IGF1: variants seen among roughly 807,000 people sequenced by gnomAD.
IGF1 encodes insulin-like growth factor 1.
Under a neutral mutation model 13.8 loss-of-function variants are expected in IGF1, and 4 were observed. The ratio of observed to expected loss-of-function variants is 0.29; its 90% CI spans 0.14 to 0.66. The LOEUF (loss-of-function observed/expected upper bound fraction) is 0.66. Among genes scored for constraint, IGF1 ranks in the 30% least tolerant of loss-of-function variants. The pLI, the probability that IGF1 is intolerant of heterozygous loss-of-function variation, is 0.78. For synonymous variants in IGF1, 76 were observed against 72.6 expected, an observed-to-expected ratio of 1.05 and a Z score of -0.23; for missense variants, 124 against 188.5, an observed-to-expected ratio of 0.66 and a Z score of 2.00.
intron 2 of IGF1, chr12:102,423,259 G>GAAAAAAA (rs138450873): frequency 4.6e-5 from 2 of 43,156 alleles, no homozygotes; most frequent in Admixed American, 7.3e-4. Flanking sequence ...TCGATGCTAC[G>GAAAAAAA]AAAAAAAAAA....
At chr12:102,440,539 C>T (rs1420394802) in intron 2 of IGF1, among the ~76,000 whole-genome samples, 3 of 152,156 alleles carry the variant, frequency 2.0e-5, no homozygotes, top group Non-Finnish European at 4.4e-5. Context: ...AAAATCCAGG[C>T]CTCTGGCTCC....
chr12:102,477,017 AG>A (rs2137282771), intron 1 of IGF1, among the ~76,000 whole-genome samples: 1 of 152,262 alleles, frequency 6.6e-6, no homozygotes, highest in East Asian at 1.9e-4. Context: ...GTGTTAGGTG[AG>A]GGGCGCTATT....
intron 2 of IGF1, among the ~76,000 whole-genome samples, chr12:102,443,282 A>G (rs544923556): frequency 6.6e-6 from 1 of 152,264 alleles, no homozygotes; most frequent in African/African-American, 2.4e-5. Flanking sequence ...AAAGTGTCAC[A>G]TGAAAGCTTC....
At chr12:102,414,718 C>T (rs1874938104) in intron 3 of IGF1, among the ~76,000 whole-genome samples, 1 of 152,190 alleles carries the variant, frequency 6.6e-6, no homozygotes, top group African/African-American at 2.4e-5. Context: ...GCCACTGTGC[C>T]CAGCCTTAAG....
intron 2 of IGF1, among the ~76,000 whole-genome samples, chr12:102,423,343 T>C (rs1759652589): frequency 6.6e-6 from 1 of 151,726 alleles, no homozygotes; most frequent in African/African-American, 2.4e-5. Context: ...ACAGTTCTGT[T>C]GTACTGGCAT....
At position 102,402,371 on chromosome 12, in the gene IGF1, C is replaced by T; in HGVS notation, c.*136G>A. 3 of 765,428 alleles carry T rather than the reference C, an allele frequency of 3.9e-6. No individual in the cohort carries two copies. Among genetic ancestry groups the T allele is most frequent in the Non-Finnish European group, 7.3e-6 (3 of 410,504 alleles). The allele number at this position is 765,428 out of a possible 1,614,324, so 47.4% of individuals were successfully genotyped here. On this transcript the variant is annotated 3_prime_UTR_variant, in exon 4 of 4. Transcript: ENST00000337514. ...TGTTGGAATGTTTACTTGTGTATTT[C>T]ATTGGGGGAAACGCCCATCTTTTAA...
At chr12:102,457,429 G>A (rs1471164338) in intron 2 of IGF1, among the ~76,000 whole-genome samples, 1 of 152,104 alleles carries the variant, frequency 6.6e-6, no homozygotes. Context: ...GGAAAGACTG[G>A]CCTGGCAGCT....
Position 102,480,483 on chromosome 12 carries a change from C to T in IGF1, c.-102G>A. 6.3e-7 allele frequency: 1 copy of T among 1,585,654 alleles called. No individual in the cohort carries two copies. Among genetic ancestry groups the T allele is most frequent in the Non-Finnish European group, 8.6e-7 (1 of 1,166,168 alleles). ...AGATGTTGAGAGCAATGTCACATTTCAATTTTGAGGACTTTATTCCATTGC... is the reference window on the plus strand; with the variant it reads ...AGATGTTGAGAGCAATGTCACATTTTAATTTTGAGGACTTTATTCCATTGC... On this transcript the variant is annotated 5_prime_UTR_variant, in exon 1 of 4. Coordinates refer to ENST00000337514, the MANE Select transcript of IGF1 (RefSeq NM_000618.5).
rs1233450358 is a variant in IGF1 at position 102,397,379 on chromosome 12, C to T, written c.*5128G>A. 2.6e-5 allele frequency: 4 copies of T among 152,176 alleles called. No individual in the cohort carries two copies. The East Asian group carries it at 7.7e-4, about 29-fold the overall frequency. The allele number at this position is 152,176 out of a possible 1,614,324, so 9.4% of individuals were successfully genotyped here. Reference sequence around the variant, plus strand: ...AGACAGCTTCAAAAATCCCCTGGGCCTCTGTCTTATCTGTGAGAGGTTTCT... The same window carrying T: ...AGACAGCTTCAAAAATCCCCTGGGCTTCTGTCTTATCTGTGAGAGGTTTCT... On this transcript the variant is annotated 3_prime_UTR_variant, in exon 4 of 4. Coordinates refer to ENST00000337514, the MANE Select transcript of IGF1 (RefSeq NM_000618.5).
At chr12:102,403,974 T>G (rs902010481) in intron 3 of IGF1, among the ~76,000 whole-genome samples, 7 of 152,210 alleles carry the variant, frequency 4.6e-5, no homozygotes, top group African/African-American at 1.7e-4. Flanking sequence ...TTATAATACT[T>G]TTCCTACAGT....
chr12:102,449,153 G>A (rs1878668278), intron 2 of IGF1, among the ~76,000 whole-genome samples: 1 of 152,108 alleles, frequency 6.6e-6, no homozygotes, highest in Admixed American at 6.5e-5. Context: ...CAACCCAAAT[G>A]CCCATCAGTG....
intron 2 of IGF1, among the ~76,000 whole-genome samples, chr12:102,434,302 C>T (rs1212450728): frequency 8.3e-6 from 1 of 120,024 alleles, no homozygotes; most frequent in Non-Finnish European, 1.7e-5. Flanking sequence ...CTCCCCCCTC[C>T]CCCCACCCCA....
At chr12:102,415,579 CTT>C in intron 3 of IGF1, 1 of 146,224 alleles carries the variant, frequency 6.8e-6, no homozygotes, top group African/African-American at 2.5e-5. Context: ...TCCTTCCTTC[CTT>C]CCTTCCTTCC....
At chr12:102,463,752 T>C (rs1250659822) in intron 2 of IGF1, among the ~76,000 whole-genome samples, 1 of 152,224 alleles carries the variant, frequency 6.6e-6, no homozygotes, top group African/African-American at 2.4e-5. Flanking sequence ...TACCCTCATA[T>C]GAGTTTATTG....
chr12:102,465,833 A>T (rs1021078327), intron 2 of IGF1, among the ~76,000 whole-genome samples: 2 of 152,098 alleles, frequency 1.3e-5, no homozygotes, highest in African/African-American at 4.8e-5. Context: ...GCTACTCGGG[A>T]GGCTGAGGCG....
intron 1 of IGF1, among the ~76,000 whole-genome samples, chr12:102,477,535 ATT>A (rs371700453): frequency 7.1e-6 from 1 of 140,610 alleles, no homozygotes; most frequent in African/African-American, 2.6e-5. Context: ...TCCAGTTCTC[ATT>A]TTTTTTTTTT....
chr12:102,438,054 T>C (rs1367366765), intron 2 of IGF1, among the ~76,000 whole-genome samples: 4 of 152,198 alleles, frequency 2.6e-5, no homozygotes, highest in African/African-American at 9.7e-5. Flanking sequence ...ATCAACCCTC[T>C]GCATGATGTA....
intron 2 of IGF1, 152 bp downstream of exon 2, chr12:102,475,491 T>A: frequency 1.1e-6 from 1 of 878,438 alleles, no homozygotes; most frequent in Non-Finnish European, 1.8e-6. Context: ...GCCAAAACAC[T>A]ATGCTTACTT....
intron 3 of IGF1, among the ~76,000 whole-genome samples, chr12:102,404,976 C>G (rs1407915412): frequency 6.6e-6 from 1 of 152,046 alleles, no homozygotes; most frequent in Non-Finnish European, 1.5e-5. Context: ...CCAGGTTGGT[C>G]TCGAACTTCT....
Sources: allele counts gnomAD v4.1 joint callset (sites outside exome capture counted in the v4.1 genomes callset), GRCh38; gene constraint gnomAD v4.1.1; transcripts MANE v1.5; gene names NCBI Gene and HGNC (gene_info 2026-07-23, HGNC 2026-07-21).